PPP2R2A: variants seen among roughly 807,000 people sequenced by gnomAD.
PPP2R2A encodes protein phosphatase 2 regulatory subunit Balpha, also known as serine/threonine-protein phosphatase 2A 55 kDa regulatory subunit B alpha isoform.
PPP2R2A carries 9 observed loss-of-function variants against 53.2 expected under a neutral mutation model. The observed-to-expected ratio is 0.17, with a 90% CI of 0.10 to 0.30. The LOEUF is 0.30. Among genes scored for constraint, PPP2R2A ranks in the 10% least tolerant of loss-of-function variants. The pLI, the probability that PPP2R2A is intolerant of heterozygous loss-of-function variation, is 1.00. For synonymous variants in PPP2R2A, 169 were observed against 174.2 expected (o/e 0.97, Z 0.23); for missense variants, 235 against 534.6 (o/e 0.44, Z 5.53).
intron 2 of PPP2R2A, among the ~76,000 whole-genome samples, chr8:26,315,368 T>C (rs983572948): frequency 1.3e-5 from 2 of 152,166 alleles, no homozygotes; most frequent in Non-Finnish European, 2.9e-5. Flanking sequence ...GGTGGGTAAG[T>C]GGGATGGGTC....
rs1805644288 is a variant in PPP2R2A at position 26,371,008 on chromosome 8, A to C, written c.*595A>C. 1 of 153,104 alleles carries C rather than the reference A, an allele frequency of 6.5e-6. No individual in the cohort carries two copies. The highest frequency in any genetic ancestry group is 2.4e-5 in the African/African-American group (1 of 41,412). The allele number at this position is 153,104 out of a possible 1,614,324, so 9.5% of individuals were successfully genotyped here. On this transcript the variant is annotated 3_prime_UTR_variant, in exon 10 of 10. Coordinates refer to ENST00000380737, the MANE Select transcript of PPP2R2A (RefSeq NM_002717.4). ...TGAGTCAGTTTGGGGTCAGTGGTAT[A>C]AAGGGGGTATATGTTGCAAACAAAT...
chr8:26,292,186 T>A, intron 1 of PPP2R2A: 1 of 1,147,872 alleles, frequency 8.7e-7, no homozygotes, highest in Non-Finnish European at 1.1e-6. Flanking sequence ...CCCCCGCCTT[T>A]ATTTTTTTTT....
At chr8:26,355,517 T>TAA (rs1804730986) in intron 4 of PPP2R2A, among the ~76,000 whole-genome samples, 1 of 152,190 alleles carries the variant, frequency 6.6e-6, no homozygotes, top group Admixed American at 6.5e-5. Context: ...GTGCTGGGAT[T>TAA]ACACGTGTGA....
chr8:26,365,321 A>G (rs1046425366), intron 8 of PPP2R2A: 2 of 152,164 alleles, frequency 1.3e-5, no homozygotes, highest in African/African-American at 2.4e-5. Flanking sequence ...TTTGTGTTAC[A>G]TGCTCACTTT....
intron 3 of PPP2R2A, among the ~76,000 whole-genome samples, chr8:26,342,008 A>T (rs1803967882): frequency 6.6e-6 from 1 of 152,170 alleles, no homozygotes; most frequent in African/African-American, 2.4e-5. Flanking sequence ...ATATAAAGAA[A>T]CTGAGTAGCC....
chr8:26,334,956 G>A (rs763748091), intron 2 of PPP2R2A, among the ~76,000 whole-genome samples: 16 of 152,278 alleles, frequency 1.1e-4, no homozygotes, highest in Admixed American at 3.9e-4. Context: ...CCTGTTTGCA[G>A]GACTGTGCTT....
chr8:26,352,668 C>T (rs777588220), intron 3 of PPP2R2A, among the ~76,000 whole-genome samples: 1 of 152,152 alleles, frequency 6.6e-6, no homozygotes, highest in Non-Finnish European at 1.5e-5. Context: ...TGCCATATAC[C>T]TCTATGATTT....
chr8:26,326,407 A>G (rs539143637), intron 2 of PPP2R2A, among the ~76,000 whole-genome samples: 2 of 152,338 alleles, frequency 1.3e-5, no homozygotes, highest in South Asian at 2.1e-4. Context: ...GTTTTGTAAC[A>G]TACCTTAAAG....
chr8:26,349,752 TTAA>T (rs1359689419), intron 3 of PPP2R2A, among the ~76,000 whole-genome samples: 1 of 152,190 alleles, frequency 6.6e-6, no homozygotes, highest in Non-Finnish European at 1.5e-5. Context: ...GCCTGTCTTA[TTAA>T]TGATTATTTT....
chr8:26,342,931 C>T (rs144834620), intron 3 of PPP2R2A, among the ~76,000 whole-genome samples: 1 of 152,220 alleles, frequency 6.6e-6, no homozygotes, highest in African/African-American at 2.4e-5. Context: ...GTGGCTGATG[C>T]CTGCAGTCCC....
intron 3 of PPP2R2A, among the ~76,000 whole-genome samples, chr8:26,348,375 T>C (rs1232072735): frequency 1.3e-5 from 2 of 152,230 alleles, no homozygotes; most frequent in Admixed American, 1.3e-4. Flanking sequence ...ACTTATTGAA[T>C]GCTGATGTGA....
At chr8:26,336,867 T>A (rs1360405190) in intron 2 of PPP2R2A, among the ~76,000 whole-genome samples, 1 of 151,158 alleles carries the variant, frequency 6.6e-6, no homozygotes, top group Non-Finnish European at 1.5e-5. Context: ...TTTTTTTTTT[T>A]AAAGACTCTT....
At position 26,291,677 on chromosome 8, in the gene PPP2R2A, T is replaced by TTCCCCCCC; in HGVS notation, c.-143_-142insTCCCCCCC. 6.6e-6 allele frequency: 3 copies of TTCCCCCCC among 451,618 alleles called. No homozygotes were observed. Among genetic ancestry groups the TTCCCCCCC allele is most frequent in the South Asian group, 6.3e-5 (3 of 47,290 alleles). 28.0% of individuals were successfully genotyped at this position (451,618 alleles called of 1,614,324 possible). A position where few individuals can be genotyped will look rare whatever the true frequency, so the allele number is the denominator to read the frequency against. On this transcript the variant is annotated 5_prime_UTR_variant, in exon 1 of 10. Coordinates refer to ENST00000380737, the MANE Select transcript of PPP2R2A (RefSeq NM_002717.4). ...TGGTCTGCCCGCCCCTCCTTCCTTTTCCCCCCGGCCCCCGTCCCCTCCCCC... is the reference window on the plus strand; with the variant it reads ...TGGTCTGCCCGCCCCTCCTTCCTTTTTCCCCCCCCCCCCCGGCCCCCGTCCCCTCCCCC...
chr8:26,353,236 T>A (rs1203895805), intron 3 of PPP2R2A, among the ~76,000 whole-genome samples: 1 of 152,180 alleles, frequency 6.6e-6, no homozygotes, highest in African/African-American at 2.4e-5. Context: ...CCCTTGTGTA[T>A]CCCCGATATG....
intron 2 of PPP2R2A, among the ~76,000 whole-genome samples, chr8:26,309,463 A>G (rs1802174966): frequency 6.6e-6 from 1 of 152,196 alleles, no homozygotes; most frequent in Non-Finnish European, 1.5e-5. Context: ...GTCAATGAGC[A>G]TTGGCCTCAA....
intron 2 of PPP2R2A, among the ~76,000 whole-genome samples, chr8:26,327,414 C>G (rs1465340551): frequency 2.0e-5 from 3 of 152,138 alleles, no homozygotes; most frequent in Non-Finnish European, 2.9e-5. Flanking sequence ...GGAACCTGTT[C>G]CCATCAGGAA....
At chr8:26,336,370 A>G (rs2117318681) in intron 2 of PPP2R2A, among the ~76,000 whole-genome samples, 1 of 152,266 alleles carries the variant, frequency 6.6e-6, no homozygotes, top group East Asian at 1.9e-4. Flanking sequence ...TCAAGGCTGC[A>G]GTGAGGTATG....
intron 2 of PPP2R2A, among the ~76,000 whole-genome samples, chr8:26,334,017 T>A (rs1803522523): frequency 6.6e-6 from 1 of 152,274 alleles, no homozygotes; most frequent in Middle Eastern, 3.4e-3. Context: ...ACTTTTTTTT[T>A]AACAAAAATA....
intron 4 of PPP2R2A, among the ~76,000 whole-genome samples, chr8:26,358,390 TA>T (rs1804903294): frequency 6.6e-6 from 1 of 152,202 alleles, no homozygotes; most frequent in South Asian, 2.1e-4. Flanking sequence ...CATATCTATC[TA>T]TAAATCATAT....
Sources: gnomAD v4.1 joint callset for allele counts (sites outside exome capture counted in the v4.1 genomes callset) on GRCh38, gnomAD v4.1.1 for gene constraint, MANE v1.5 for transcripts, NCBI Gene and HGNC (gene_info 2026-07-23, HGNC 2026-07-21) for gene names.